Variants in SPG11 observed in about 807,000 individuals in gnomAD.
SPG11 encodes spatacsin.
A neutral mutation model predicts 274.0 loss-of-function variants in SPG11; 222 were observed. That is an observed-to-expected ratio of 0.81 (90% CI 0.73 to 0.91). The LOEUF (loss-of-function observed/expected upper bound fraction) is 0.91, where lower values mean the gene tolerates loss of function less well. Among genes scored for constraint, SPG11 ranks in the 40% least tolerant of loss-of-function variants. The pLI is 0.00. For missense variants in SPG11, 3,114 were observed against 2,872.7 expected, an observed-to-expected ratio of 1.08 and a Z score of -1.92; for synonymous variants, 1,144 against 1,039.7, an observed-to-expected ratio of 1.10 and a Z score of -1.93.
chr15:44,662,157 T>C (rs1480035878), intron 1 of SPG11, among the ~76,000 whole-genome samples: 1 of 152,156 alleles, frequency 6.6e-6, no homozygotes, highest in Non-Finnish European at 1.5e-5. Flanking sequence ...ACTTAGTTTA[T>C]AATAAGTTTA....
Position 44,570,498 on chromosome 15 carries a change from G to C in SPG11, c.6477+27C>G, listed in dbSNP as rs2082399549. 3.1e-6 allele frequency: 5 copies of C among 1,613,986 alleles called. No individual in the cohort carries two copies. In the African/African-American group the frequency reaches 5.3e-5, roughly 17 times the overall value. The stretch of plus-strand genomic sequence containing the variant: ...TACTCTCAAAGGTTTCCACAGGATG[G>C]AGACTGGGGTTGAGGGGGCTACTTA... On this transcript the variant is annotated intron_variant, in intron 34 of 39. Coordinates refer to ENST00000261866, the MANE Select transcript of SPG11 (RefSeq NM_025137.4).
intron 8 of SPG11, among the ~76,000 whole-genome samples, chr15:44,632,534 G>C (rs1380350487): frequency 1.5e-5 from 2 of 137,610 alleles, no homozygotes; most frequent in African/African-American, 2.7e-5. Context: ...TTTTTTTTTT[G>C]AGAGTCGTAC....
chr15:44,572,874 C>T, intron 32 of SPG11, 54 bp from the exon 33 acceptor site: 1 of 1,599,926 alleles, frequency 6.3e-7, no homozygotes, highest in African/African-American at 1.3e-5. Flanking sequence ...GAGGCCCACT[C>T]TGCCCAGGCT....
At position 44,584,032 on chromosome 15, in the gene SPG11, C is replaced by T. The variant is rs1298405606; in HGVS notation, c.5648G>A (p.Gly1883Glu). 8.1e-6 allele frequency: 13 copies of T among 1,614,052 alleles called. No individual in the cohort carries two copies. Among genetic ancestry groups the T allele is most frequent in the Non-Finnish European group, 1.0e-5 (12 of 1,180,030 alleles). Residue 1883 changes from glycine to glutamate, a missense_variant, in exon 30 of 40, where the codon GGG (glycine) becomes GAG (glutamate). Gly to Glu is a moderately conservative substitution (Grantham distance 98). Coordinates refer to ENST00000261866, the MANE Select transcript of SPG11 (RefSeq NM_025137.4). ...KEQESLNFLI[G>E]RLLDDGCVHE... ...CACACAGCCATCATCCAGTAGGCGCCCAATCAAAAAGTTTAGTGACTCCTG... is the reference window on the plus strand; with the variant it reads ...CACACAGCCATCATCCAGTAGGCGCTCAATCAAAAAGTTTAGTGACTCCTG...
At chr15:44,624,218 T>G (rs1435518301) in intron 11 of SPG11, among the ~76,000 whole-genome samples, 1 of 151,860 alleles carries the variant, frequency 6.6e-6, no homozygotes, top group Non-Finnish European at 1.5e-5. Context: ...CCAAGTATGT[T>G]GGCTCATGCC....
intron 11 of SPG11, among the ~76,000 whole-genome samples, chr15:44,625,697 G>A (rs2083879174): frequency 6.6e-6 from 1 of 152,028 alleles, no homozygotes; most frequent in South Asian, 2.1e-4. Context: ...GTTACTTTTT[G>A]AGATGGAGTC....
intron 15 of SPG11, among the ~76,000 whole-genome samples, chr15:44,619,093 G>A (rs1482049579): frequency 6.6e-6 from 1 of 152,186 alleles, no homozygotes; most frequent in African/African-American, 2.4e-5. Flanking sequence ...AGCATTTAGT[G>A]CAATGGAGAG....
Position 44,570,578 on chromosome 15 carries a change from C to A in SPG11, c.6424G>T (p.Ala2142Ser). The A allele has an allele frequency of 6.2e-7, 1 of 1,614,072 alleles. No homozygotes were observed. The highest frequency in any genetic ancestry group is 8.5e-7 in the Non-Finnish European group (1 of 1,180,014). ...MEGIIRVLQA[A>S]HMLTDNHLAP... ...AGGTGGTTATCTGTGAGCATGTGGGCGGCCTGTAGGACTCGGATGATGCCC... is the reference window on the plus strand; with the variant it reads ...AGGTGGTTATCTGTGAGCATGTGGGAGGCCTGTAGGACTCGGATGATGCCC... The change falls in exon 34 of 40, where the codon GCC (alanine) becomes TCC (serine). Residue 2142 changes from alanine (A) to serine (S), a missense_variant. Ala to Ser is a moderately conservative substitution (Grantham distance 99). Transcript: ENST00000261866.
chr15:44,628,615 T>G (rs1331516988), intron 10 of SPG11, 54 bp downstream of exon 10: 5 of 1,480,462 alleles, frequency 3.4e-6, no homozygotes, highest in Non-Finnish European at 3.8e-6. Flanking sequence ...TCTATTGTTT[T>G]CTCAGACCTT....
Position 44,633,548 on chromosome 15 carries a change from T to C in SPG11, c.1692A>G (p.Val564=), listed in dbSNP as rs769113051. 6 of 1,610,866 alleles carry C rather than the reference T, an allele frequency of 3.7e-6. No homozygotes were observed. The highest frequency in any genetic ancestry group is 1.1e-5 in the South Asian group (1 of 90,942). The change falls in exon 8 of 40, where the codon GTA becomes GTG. Residue 564 remains valine (V), a synonymous_variant. Coordinates refer to ENST00000261866, the MANE Select transcript of SPG11 (RefSeq NM_025137.4). Reference sequence around the variant, plus strand: ...ATGACAAGTGATCAAACTGATCAGATACAGAAGATTTTGAGGATGGATTAA... The same window carrying C: ...ATGACAAGTGATCAAACTGATCAGACACAGAAGATTTTGAGGATGGATTAA... The part of the protein sequence containing the change: ...NLFNPSSKSS[V]SDQFDHLSSH...
At chr15:44,621,644 G>GAATA in intron 14 of SPG11, 115 bp downstream of exon 14, 1 of 1,034,248 alleles carries the variant, frequency 9.7e-7, no homozygotes, top group Non-Finnish European at 1.5e-6. Flanking sequence ...TAAAGAACCT[G>GAATA]AATATTATTT....
rs1253131194 is a variant in SPG11 at position 44,663,531 on chromosome 15, C to T, written c.117G>A (p.Gly39=). 6.3e-7 allele frequency: 1 copy of T among 1,598,796 alleles called. No homozygotes were observed. Among genetic ancestry groups the T allele is most frequent in the Admixed American group, 1.7e-5 (1 of 58,070 alleles). Residue 39 remains glycine (G), a synonymous_variant, in exon 1 of 40, where the codon GGG becomes GGA. Coordinates refer to ENST00000261866, the MANE Select transcript of SPG11 (RefSeq NM_025137.4). ...GCAGCTGCGCCCGGGAGCCGAGCTGCCCCATCGCCTCGGCGGGGACTGGCA... is the reference window on the plus strand; with the variant it reads ...GCAGCTGCGCCCGGGAGCCGAGCTGTCCCATCGCCTCGGCGGGGACTGGCA... ...LLVPVPAEAM[G]QLGSRAQLRT... is the part of the protein sequence containing the mutation.
intron 7 of SPG11, among the ~76,000 whole-genome samples, chr15:44,636,968 A>AAAAAAAAAAC (rs2084294668): frequency 6.8e-6 from 1 of 146,634 alleles, no homozygotes; most frequent in African/African-American, 2.5e-5. Flanking sequence ...CAAAAAAAAA[A>AAAAAAAAAAC]CACAAATGTG....
chr15:44,578,656 G>A (rs182061405), intron 30 of SPG11, among the ~76,000 whole-genome samples: 17 of 152,272 alleles, frequency 1.1e-4, no homozygotes, highest in Non-Finnish European at 1.9e-4. Flanking sequence ...TTGACCACTA[G>A]GTGGCGTGCA....
intron 30 of SPG11, among the ~76,000 whole-genome samples, chr15:44,580,808 A>G (rs2082644732): frequency 6.6e-6 from 1 of 152,160 alleles, no homozygotes; most frequent in Non-Finnish European, 1.5e-5. Flanking sequence ...ACAAACAAAA[A>G]CTGAACAAAA....
chr15:44,568,043 T>C (rs188536085), intron 35 of SPG11, among the ~76,000 whole-genome samples: 179 of 152,364 alleles, frequency 1.2e-3, no homozygotes, highest in African/African-American at 4.1e-3. Flanking sequence ...TGATATACTT[T>C]GTTAAGTGAG....
intron 35 of SPG11, 96 bp downstream of exon 35, chr15:44,569,302 A>C: frequency 1.1e-6 from 1 of 923,988 alleles, no homozygotes; most frequent in Non-Finnish European, 1.7e-6. Context: ...CATTTTCCCA[A>C]GAGTCTACCC....
rs2083759221 is a variant in SPG11 at position 44,621,798 on chromosome 15, T to C, written c.2581A>G (p.Thr861Ala). ...CTGGGGAGAAGGATGGATTCTTGTG[T>C]TAGTTGATCCCACCACAGAGCCCAA... The part of the protein sequence containing the change: ...LNWALWWDQL[T>A]QESILLPRIS... Residue 861 changes from threonine (T) to alanine (A), a missense_variant, in exon 14 of 40, where the codon ACA becomes GCA. Coordinates refer to ENST00000261866, the MANE Select transcript of SPG11 (RefSeq NM_025137.4). 6.2e-7 allele frequency: 1 copy of C among 1,614,034 alleles called. No individual in the cohort carries two copies. The highest frequency in any genetic ancestry group is 2.2e-5 in the East Asian group (1 of 44,852).
chr15:44,636,925 CAAAA>C (rs370928375), intron 7 of SPG11, among the ~76,000 whole-genome samples: 5 of 19,454 alleles, frequency 2.6e-4, no homozygotes, highest in African/African-American at 1.3e-3. Flanking sequence ...GACTCCATCT[CAAAA>C]AAAAAAAAAA....
Sources: gnomAD v4.1 joint callset for allele counts (sites outside exome capture counted in the v4.1 genomes callset) on GRCh38, gnomAD v4.1.1 for gene constraint, MANE v1.5 for transcripts, NCBI Gene and HGNC (gene_info 2026-07-23, HGNC 2026-07-21) for gene names.